Variants in CHD6 observed in about 807,000 individuals in gnomAD.
CHD6 encodes ATP-dependent chromatin remodeler CHD6.
A neutral mutation model predicts 276.9 loss-of-function variants in CHD6; 50 were observed. The ratio of observed to expected loss-of-function variants is 0.18; its 90% CI spans 0.14 to 0.23. CHD6 has a LOEUF of 0.23. CHD6 is among the 10% of genes least tolerant of loss of function. CHD6 has a pLI of 1.00. For missense variants in CHD6, 2,564 were observed against 3,365.8 expected (o/e 0.76, Z 5.89); for synonymous variants, 1,173 against 1,229.3 (o/e 0.95, Z 0.96).
At chr20:41,424,756 C>T (rs1448792421) in intron 29 of CHD6, among the ~76,000 whole-genome samples, 1 of 152,072 alleles carries the variant, frequency 6.6e-6, no homozygotes, top group East Asian at 1.9e-4. Context: ...TCCTTCTGGG[C>T]TTGTATTTTA....
intron 1 of CHD6, among the ~76,000 whole-genome samples, chr20:41,584,677 T>C (rs759630801): frequency 6.6e-6 from 1 of 151,920 alleles, no homozygotes; most frequent in Non-Finnish European, 1.5e-5. Flanking sequence ...GGAAAATCCA[T>C]AAATAAAAAT....
chr20:41,564,408 G>GA (rs1361501475), intron 1 of CHD6, among the ~76,000 whole-genome samples: 1 of 152,194 alleles, frequency 6.6e-6, no homozygotes, highest in Non-Finnish European at 1.5e-5. Flanking sequence ...TATGCTGAGT[G>GA]AAAGAGGACA....
At chr20:41,503,715 T>C (rs900655946) in intron 5 of CHD6, among the ~76,000 whole-genome samples, 10 of 151,994 alleles carry the variant, frequency 6.6e-5, no homozygotes, top group African/African-American at 2.4e-4. Flanking sequence ...GAATTTTTGG[T>C]CATTAGTTAT....
At chr20:41,555,270 G>A (rs2045211724) in intron 1 of CHD6, among the ~76,000 whole-genome samples, 2 of 144,158 alleles carry the variant, frequency 1.4e-5, no homozygotes, top group South Asian at 2.2e-4. Flanking sequence ...CGGGGCGGCT[G>A]GCCGGGCAGA....
In CHD6 at chr20:41,514,869, T is replaced by G. The variant is rs754170344; in HGVS notation, c.638A>C (p.Asp213Ala). Reference sequence around the variant, plus strand: ...CAGAGATGGGTTCGTCAGGCCCTGATCCAGCTCTAAACTCTCCACTGTAGT... The same window carrying G: ...CAGAGATGGGTTCGTCAGGCCCTGAGCCAGCTCTAAACTCTCCACTGTAGT... ...SETTVESLEL[D>A]QGLTNPSLRS... is the part of the protein sequence containing the mutation. Residue 213 changes from aspartate to alanine, a missense_variant, in exon 4 of 37, where the codon GAT (aspartate) becomes GCT (alanine). This residue lies in a region of CHD6 where 286 missense variants were observed against 297.8 expected (regional missense o/e 0.96). Transcript: ENST00000373233. 3 of 1,613,982 alleles carry G rather than the reference T, an allele frequency of 1.9e-6. No individual in the cohort carries two copies. Among genetic ancestry groups the G allele is most frequent in the Non-Finnish European group, 2.5e-6 (3 of 1,179,978 alleles).
At chr20:41,563,758 C>T (rs1263876821) in intron 1 of CHD6, among the ~76,000 whole-genome samples, 1 of 152,140 alleles carries the variant, frequency 6.6e-6, no homozygotes, top group African/African-American at 2.4e-5. Context: ...TTGTTGGTCC[C>T]TATGTCATAA....
chr20:41,617,928 G>T (rs992716342), intron 1 of CHD6, among the ~76,000 whole-genome samples: 1 of 147,082 alleles, frequency 6.8e-6, no homozygotes, highest in African/African-American at 2.4e-5. Flanking sequence ...TGGGCCCGGG[G>T]GTCCCACCGC....
chr20:41,436,212 T>G (rs2047705306), intron 27 of CHD6, among the ~76,000 whole-genome samples: 1 of 152,112 alleles, frequency 6.6e-6, no homozygotes, highest in African/African-American at 2.4e-5. Flanking sequence ...ACATAAACAT[T>G]TCACTGAAAA....
intron 1 of CHD6, among the ~76,000 whole-genome samples, chr20:41,593,212 G>GGGC (rs2045682605): frequency 6.8e-6 from 1 of 147,700 alleles, no homozygotes; most frequent in East Asian, 2.0e-4. Context: ...AGGGGGGGGG[G>GGGC]GGTTAAATAG....
chr20:41,505,864 A>C (rs1373335200), intron 5 of CHD6, among the ~76,000 whole-genome samples: 1 of 152,042 alleles, frequency 6.6e-6, no homozygotes, highest in East Asian at 1.9e-4. Flanking sequence ...AGGTATTTCG[A>C]ATTTAAAATA....
At chr20:41,557,133 G>C (rs1281284078) in intron 1 of CHD6, among the ~76,000 whole-genome samples, 1 of 152,208 alleles carries the variant, frequency 6.6e-6, no homozygotes, top group East Asian at 1.9e-4. Flanking sequence ...GGGCAAACCA[G>C]AAAACTTGTC....
chr20:41,413,309 C>A lies in CHD6; in HGVS notation c.7131+15G>T. ...AAGTAAACAGTGATCTCAGGCAGTA[C>A]CAACAAACACTTACTGCCCCAAAGC... On this transcript the variant is annotated intron_variant, in intron 35 of 36. Coordinates refer to ENST00000373233, the MANE Select transcript of CHD6 (RefSeq NM_032221.5). 1 of 1,563,936 alleles carries A rather than the reference C, an allele frequency of 6.4e-7. No individual in the cohort carries two copies. The highest frequency in any genetic ancestry group is 1.8e-5 in the Admixed American group (1 of 55,418).
intron 17 of CHD6, among the ~76,000 whole-genome samples, chr20:41,458,379 C>A (rs1468219170): frequency 2.6e-5 from 4 of 152,194 alleles, no homozygotes; most frequent in African/African-American, 9.6e-5. Flanking sequence ...AATATATCTG[C>A]CATGTTTTAC....
chr20:41,611,117 C>A (rs190128094), intron 1 of CHD6, among the ~76,000 whole-genome samples: 33 of 152,268 alleles, frequency 2.2e-4, no homozygotes, highest in African/African-American at 7.7e-4. Context: ...ACATTCAAAT[C>A]AACTTTCAGA....
intron 1 of CHD6, among the ~76,000 whole-genome samples, chr20:41,608,187 T>C (rs1015472355): frequency 5.3e-5 from 8 of 152,070 alleles, no homozygotes; most frequent in African/African-American, 1.4e-4. Context: ...TTATTTAAAA[T>C]AAAGCAAAGG....
intron 1 of CHD6, among the ~76,000 whole-genome samples, chr20:41,599,001 C>T (rs541905847): frequency 9.9e-5 from 15 of 152,276 alleles, no homozygotes; most frequent in Admixed American, 5.2e-4. Context: ...CGGAGTTCCA[C>T]GAGGAGTGTT....
At position 41,594,470 on chromosome 20, in the gene CHD6, C is replaced by G. The variant is rs1200412815; in HGVS notation, c.-24+23870G>C. Among the ~76,000 whole-genome samples, 4 of 152,248 alleles carry G rather than the reference C, an allele frequency of 2.6e-5. No homozygotes were observed. In the East Asian group the frequency reaches 7.7e-4, roughly 29 times the overall value. On this transcript the variant is annotated intron_variant, in intron 1 of 36. Coordinates refer to ENST00000373233, the MANE Select transcript of CHD6 (RefSeq NM_032221.5). The stretch of plus-strand genomic sequence containing the variant: ...ACGAGCTATCATGCCCTTTGACTAT[C>G]TGGAAAACTCCTAATAATCTTTTAA...
At chr20:41,614,080 A>G (rs553512197) in intron 1 of CHD6, among the ~76,000 whole-genome samples, 252 of 152,300 alleles carry the variant, frequency 1.7e-3, no homozygotes, top group African/African-American at 5.8e-3. Flanking sequence ...AATATATTAA[A>G]AATTTAACTA....
chr20:41,614,262 C>T (rs1302670173), intron 1 of CHD6, among the ~76,000 whole-genome samples: 1 of 152,162 alleles, frequency 6.6e-6, no homozygotes, highest in Non-Finnish European at 1.5e-5. Flanking sequence ...GGTTATCTTA[C>T]AATTCTACTT....
Sources: allele counts gnomAD v4.1 joint callset (sites outside exome capture counted in the v4.1 genomes callset), GRCh38; gene constraint gnomAD v4.1.1; regional missense constraint gnomAD v4.1.1; transcripts MANE v1.5; gene names NCBI Gene and HGNC (gene_info 2026-07-23, HGNC 2026-07-21).